The following N4BP2 variants were observed in gnomAD, a reference collection of about 807,000 sequenced individuals.
N4BP2 encodes the protein NEDD4 binding protein 2, also known as NEDD4-binding protein 2.
A neutral mutation model predicts 152.8 loss-of-function variants in N4BP2; 91 were observed. The observed-to-expected ratio is 0.60, with a 90% CI of 0.50 to 0.71. N4BP2 has a LOEUF of 0.71. Among genes scored for constraint, N4BP2 ranks in the 30% least tolerant of loss-of-function variants. The pLI is 0.00. For synonymous variants in N4BP2, 646 were observed against 705.3 expected (o/e 0.92, Z 1.33); for missense variants, 1,923 against 2,059.1 (o/e 0.93, Z 1.28).
At chr4:40,083,665 C>T (rs1713630381) in intron 2 of N4BP2, among the ~76,000 whole-genome samples, 1 of 151,956 alleles carries the variant, frequency 6.6e-6, no homozygotes, top group South Asian at 2.1e-4. Flanking sequence ...TCGTGGTTGC[C>T]AGGGGATAGG....
chr4:40,080,308 C>CTA (rs1713222843), intron 2 of N4BP2, among the ~76,000 whole-genome samples: 1 of 90,448 alleles, frequency 1.1e-5, no homozygotes, highest in African/African-American at 3.5e-5. Flanking sequence ...ATAGTGTGAG[C>CTA]TGTATATATA....
chr4:40,129,056 C>A (rs781534622), intron 12 of N4BP2, among the ~76,000 whole-genome samples: 11 of 151,654 alleles, frequency 7.3e-5, no homozygotes, highest in Non-Finnish European at 1.6e-4. Context: ...TTTTCTTTTT[C>A]TTTTCTTTTT....
chr4:40,100,654 G>C (rs1192189931), intron 3 of N4BP2, among the ~76,000 whole-genome samples: 1 of 152,164 alleles, frequency 6.6e-6, no homozygotes, highest in East Asian at 1.9e-4. Context: ...TTATAGGCAT[G>C]AGCTGCCACA....
At chr4:40,187,797 A>G in the N4BP2 span, among the ~76,000 whole-genome samples, 1 of 152,232 alleles carries the variant, frequency 6.6e-6, no homozygotes, top group Non-Finnish European at 1.5e-5. Context: ...ATTCTCACAC[A>G]TGTCGTTCAC....
At chr4:40,091,287 T>G (rs1316782025) in intron 2 of N4BP2, among the ~76,000 whole-genome samples, 1 of 152,112 alleles carries the variant, frequency 6.6e-6, no homozygotes, top group Non-Finnish European at 1.5e-5. Flanking sequence ...AGCTAGAACT[T>G]CCAGCATTAT....
chr4:40,059,078 C>T (rs1352714199), intron 1 of N4BP2, among the ~76,000 whole-genome samples: 1 of 152,126 alleles, frequency 6.6e-6, no homozygotes, highest in Non-Finnish European at 1.5e-5. Context: ...GCCTCCGCCT[C>T]CCAAAGTGCT....
intron 2 of N4BP2, chr4:40,078,075 A>T (rs1179427457): frequency 6.6e-6 from 1 of 150,478 alleles, no homozygotes; most frequent in South Asian, 2.1e-4. Context: ...TACCTTTTTG[A>T]ATTGGATTTT....
chr4:40,091,162 T>C (rs1408547887), intron 2 of N4BP2, among the ~76,000 whole-genome samples: 1 of 151,988 alleles, frequency 6.6e-6, no homozygotes, highest in Non-Finnish European at 1.5e-5. Flanking sequence ...TTTTATAGAT[T>C]ATTTGGGATT....
chr4:40,113,402 T>G, intron 6 of N4BP2, 30 bp from the exon 7 acceptor site: 2 of 1,455,528 alleles, frequency 1.4e-6, no homozygotes, highest in Non-Finnish European at 1.9e-6. Context: ...AATACCTATT[T>G]TAAAATGTTT....
intron 7 of N4BP2, among the ~76,000 whole-genome samples, chr4:40,115,377 G>A (rs1717250329): frequency 6.6e-6 from 1 of 151,992 alleles, no homozygotes; most frequent in Non-Finnish European, 1.5e-5. Flanking sequence ...TTCGCCTGTG[G>A]TCCCAGGTAC....
chr4:40,087,924 A>G (rs562754867), intron 2 of N4BP2, among the ~76,000 whole-genome samples: 1 of 152,008 alleles, frequency 6.6e-6, no homozygotes, highest in East Asian at 1.9e-4. Flanking sequence ...TAGTAGAGGC[A>G]GGGTTTTGCC....
At chr4:40,117,799 CAT>C in intron 7 of N4BP2, 68 bp from the exon 8 acceptor site, 1 of 1,319,912 alleles carries the variant, frequency 7.6e-7, no homozygotes, top group Non-Finnish European at 1.0e-6. Flanking sequence ...TTTTCCTAGA[CAT>C]ATGTTCTGAT....
the N4BP2 span, among the ~76,000 whole-genome samples, chr4:40,169,372 A>ACT: frequency 0.019 from 2,770 of 148,796 alleles, 85 homozygotes; most frequent in African/African-American, 0.064. Context: ...ACAGAGCAAG[A>ACT]CTGTCTCAAA....
intron 1 of N4BP2, among the ~76,000 whole-genome samples, chr4:40,059,075 C>T (rs1733452049): frequency 6.6e-6 from 1 of 152,180 alleles, no homozygotes; most frequent in Admixed American, 6.5e-5. Context: ...ACTGCCTCCG[C>T]CTCCCAAAGT....
At chr4:40,080,967 G>T (rs942503134) in intron 2 of N4BP2, among the ~76,000 whole-genome samples, 3 of 151,580 alleles carry the variant, frequency 2.0e-5, no homozygotes, top group Non-Finnish European at 2.9e-5. Context: ...CGCCTGGCAA[G>T]AATTTTCTTT....
At chr4:40,115,994 T>G (rs867670709) in intron 7 of N4BP2, among the ~76,000 whole-genome samples, 9 of 152,284 alleles carry the variant, frequency 5.9e-5, no homozygotes, top group African/African-American at 7.2e-5. Flanking sequence ...GTATACAAGC[T>G]TAAGATTTTT....
At position 40,121,312 on chromosome 4, in the gene N4BP2, A is replaced by T; in HGVS notation, c.3201A>T (p.Pro1067=). ...AATCAGACGTTCAAGAAGCAATTCC[A>T]TATAGAGTAATGTATGATAAAAGCA... The part of the protein sequence containing the change: ...NTKSDVQEAI[P]YRVMYDKSTF... Residue 1067 remains proline (P), a synonymous_variant, in exon 9 of 18, where the codon CCA becomes CCT. Coordinates refer to ENST00000261435, the MANE Select transcript of N4BP2 (RefSeq NM_018177.6). The T allele has an allele frequency of 6.2e-7, 1 of 1,614,046 alleles. No homozygotes were observed. The highest frequency in any genetic ancestry group is 1.7e-5 in the Admixed American group (1 of 59,956).
intron 2 of N4BP2, among the ~76,000 whole-genome samples, chr4:40,075,932 TCCTCCTA>T (rs1430403048): frequency 6.6e-6 from 1 of 152,132 alleles, no homozygotes; most frequent in African/African-American, 2.4e-5. Context: ...GCCCAAACAA[TCCTCCTA>T]CCTCAGTCTC....
At chr4:40,077,601 C>T (rs1248601163) in intron 2 of N4BP2, among the ~76,000 whole-genome samples, 7 of 151,892 alleles carry the variant, frequency 4.6e-5, no homozygotes, top group Admixed American at 1.3e-4. Context: ...TTACAGGCAC[C>T]GGCCACCACA....
Sources: allele counts gnomAD v4.1 joint callset (sites outside exome capture counted in the v4.1 genomes callset), GRCh38; gene constraint gnomAD v4.1.1; transcripts MANE v1.5; gene names NCBI Gene and HGNC (gene_info 2026-07-23, HGNC 2026-07-21).